The following ENSA variants were observed in gnomAD, a reference collection of about 807,000 sequenced individuals.
The protein encoded by ENSA is endosulfine alpha.
In ENSA, 7 loss-of-function variants were observed where a neutral mutation model predicts 16.8. That is an observed-to-expected ratio of 0.42 (90% CI 0.24 to 0.78). The LOEUF is 0.78. Ranked by LOEUF, ENSA falls within the 30% of genes least tolerant of loss-of-function variation. The pLI, the probability that ENSA is intolerant of heterozygous loss-of-function variation, is 0.29. For missense variants in ENSA, 87 were observed against 142.3 expected, an observed-to-expected ratio of 0.61 and a Z score of 1.98; for synonymous variants, 58 against 53.4, an observed-to-expected ratio of 1.09 and a Z score of -0.37.
At chr1:150,622,973 C>A (rs1304903242) in intron 3 of ENSA, 114 bp from the exon 4 acceptor site, 2 of 1,334,346 alleles carry the variant, frequency 1.5e-6, no homozygotes, top group Non-Finnish European at 1.0e-6. Context: ...ATTTAACAAC[C>A]ATTAGGCTAC....
rs1223302021 is a variant in ENSA at position 150,624,859 on chromosome 1, CAG to C, written c.350+781_350+782del. On this transcript the variant is annotated intron_variant, in intron 3 of 3. Transcript: ENST00000369014. The stretch of plus-strand genomic sequence containing the variant: ...TTTTACAGATGAGGAAATAGAAATC[CAG>C]AGAGGCTAAATGACTTAATCAAGGT... 9 of 973,652 alleles carry C rather than the reference CAG, an allele frequency of 9.2e-6. No homozygotes were observed. In the African/African-American group the frequency reaches 1.6e-4, roughly 17 times the overall value. 60.3% of individuals were successfully genotyped at this position (973,652 alleles called of 1,614,324 possible).
intron 3 of ENSA, chr1:150,623,221 GA>G (rs769266704): frequency 1.9e-6 from 2 of 1,072,210 alleles, no homozygotes; most frequent in Non-Finnish European, 2.3e-6. Context: ...TGCAAAGACT[GA>G]GGTAGCACAG....
At position 150,623,179 on chromosome 1, in the gene ENSA, C is replaced by T. The variant is rs187878726; in HGVS notation, c.351-320G>A. On this transcript the variant is annotated intron_variant, in intron 3 of 3. Coordinates refer to ENST00000369014, the MANE Select transcript of ENSA (RefSeq NM_004436.4). ...GGTGGGTAAGCTGCCTGGCTCAGAGCAGGCTGTTTCAGAGGCATGGCCACA... is the reference window on the plus strand; with the variant it reads ...GGTGGGTAAGCTGCCTGGCTCAGAGTAGGCTGTTTCAGAGGCATGGCCACA... 1.3e-5 allele frequency: 15 copies of T among 1,151,534 alleles called. No individual in the cohort carries two copies. In the Admixed American group the frequency reaches 6.8e-4, roughly 52 times the overall value. 71.3% of individuals were successfully genotyped at this position (1,151,534 alleles called of 1,614,324 possible).
At chr1:150,625,579 C>T in intron 3 of ENSA, 63 bp downstream of exon 3, 2 of 1,482,914 alleles carry the variant, frequency 1.3e-6, no homozygotes, top group Non-Finnish European at 9.0e-7. Context: ...CCATTTCATC[C>T]CTGCCTATAA....
chr1:150,628,167 C>T (rs1231583773), intron 1 of ENSA, among the ~76,000 whole-genome samples: 1 of 152,122 alleles, frequency 6.6e-6, no homozygotes, highest in Non-Finnish European at 1.5e-5. Context: ...ATGTTTCCTC[C>T]TTATTTTTTT....
In ENSA at chr1:150,622,691, C is replaced by A. The variant is rs1290187528; in HGVS notation, c.*153G>T. The A allele has an allele frequency of 1.5e-6, 1 of 664,914 alleles. No homozygotes were observed. The highest frequency in any genetic ancestry group is 3.1e-5 in the East Asian group (1 of 32,392). The allele number at this position is 664,914 out of a possible 1,614,324, so 41.2% of individuals were successfully genotyped here. Reference sequence around the variant, plus strand: ...GCCCAAGGGGCTCCATGTGCTGGGACACCAACAGGAAAGGGCTTCTGCCTC... The same window carrying A: ...GCCCAAGGGGCTCCATGTGCTGGGAAACCAACAGGAAAGGGCTTCTGCCTC... On this transcript the variant is annotated 3_prime_UTR_variant, in exon 4 of 4. Transcript: ENST00000369014.
rs1244468997 is a variant in ENSA, at chr1:150,622,206, C to G, written c.*638G>C. 1 of 152,178 alleles carries G rather than the reference C, an allele frequency of 6.6e-6. No individual in the cohort carries two copies. The highest frequency in any genetic ancestry group is 1.5e-5 in the Non-Finnish European group (1 of 68,034). The allele number at this position is 152,178 out of a possible 1,614,324, so 9.4% of individuals were successfully genotyped here. A position where few individuals can be genotyped will look rare whatever the true frequency, so the allele number is the denominator to read the frequency against. On this transcript the variant is annotated 3_prime_UTR_variant, in exon 4 of 4. Coordinates refer to ENST00000369014, the MANE Select transcript of ENSA (RefSeq NM_004436.4). ...AGTCCTTTGGGCTCTGTGGGGTTCCCCACGCTCACGGCTCCTTTCTCCCAC... is the reference window on the plus strand; with the variant it reads ...AGTCCTTTGGGCTCTGTGGGGTTCCGCACGCTCACGGCTCCTTTCTCCCAC...
chr1:150,622,138 T>C lies in ENSA; in HGVS notation c.*706A>G, dbSNP rs925308471. The C allele has an allele frequency of 3.9e-5, 6 of 152,164 alleles. No homozygotes were observed. Among genetic ancestry groups the C allele is most frequent in the African/African-American group, 1.4e-4 (6 of 41,442 alleles). The allele number at this position is 152,164 out of a possible 1,614,324, so 9.4% of individuals were successfully genotyped here. On this transcript the variant is annotated 3_prime_UTR_variant, in exon 4 of 4. Transcript: ENST00000369014. ...TGCTTCAGAATATTTCTGGGTTGGG[T>C]TTTTTCATGGGTTTTTGTTTTGTTT... is the stretch of plus-strand genomic sequence containing the variant.
At chr1:150,628,229 G>T (rs1649484743) in intron 1 of ENSA, among the ~76,000 whole-genome samples, 1 of 152,000 alleles carries the variant, frequency 6.6e-6, no homozygotes, top group Non-Finnish European at 1.5e-5. Context: ...TTTATTCAAG[G>T]TCTAAGCCAC....
At chr1:150,627,270 A>G (rs1649399645) in intron 2 of ENSA, 197 bp downstream of exon 2, 2 of 1,540,496 alleles carry the variant, frequency 1.3e-6, no homozygotes, top group Non-Finnish European at 1.7e-6. Flanking sequence ...AATTTCCTAC[A>G]TGGGAAATCA....
At chr1:150,623,888 G>A in intron 3 of ENSA, 1 of 985,518 alleles carries the variant, frequency 1.0e-6, no homozygotes, top group African/African-American at 1.7e-5. Flanking sequence ...CAATTTGAAT[G>A]ACAGCCTGAA....
In ENSA at chr1:150,625,623, A is replaced by G; in HGVS notation, c.350+19T>C. On this transcript the variant is annotated intron_variant, in intron 3 of 3. Transcript: ENST00000369014. ...CGTCCAGTGGTTGAGGAAGGGGAGG[A>G]GAGGGGGGCTCAGGTTACCCCGCAA... 1 of 1,576,546 alleles carries G rather than the reference A, an allele frequency of 6.3e-7. No homozygotes were observed. The highest frequency in any genetic ancestry group is 8.6e-7 in the Non-Finnish European group (1 of 1,159,012).
Position 150,627,500 on chromosome 1 carries a change from G to A in ENSA, c.150C>T (p.Gly50=), listed in dbSNP as rs1649427579. Residue 50 remains glycine (G), a synonymous_variant, in exon 2 of 4, where the codon GGC becomes GGT. Coordinates refer to ENST00000369014, the MANE Select transcript of ENSA (RefSeq NM_004436.4). ...GGAGTCTCTTCATGAGGAAGTCGGAGCCTCCAGGCTTTTGTCCTAGGCTTG... is the reference window on the plus strand; with the variant it reads ...GGAGTCTCTTCATGAGGAAGTCGGAACCTCCAGGCTTTTGTCCTAGGCTTG... ...KYPSLGQKPG[G]SDFLMKRLQK... 6.2e-7 allele frequency: 1 copy of A among 1,614,226 alleles called. No individual in the cohort carries two copies. The highest frequency in any genetic ancestry group is 8.5e-7 in the Non-Finnish European group (1 of 1,180,036).
chr1:150,625,718 C>T lies in ENSA; in HGVS notation c.274G>A (p.Val92Met), dbSNP rs1207908455. 1.2e-6 allele frequency: 2 copies of T among 1,613,148 alleles called. No individual in the cohort carries two copies. The highest frequency in any genetic ancestry group is 1.1e-5 in the South Asian group (1 of 90,794). ...GGGGTGGGGATGTGATCACCAGTCA[C>T]CAGGTTCTTGTCTGGTCCTGCACTT... ...LPSAGPDKNLVTGDHIPTPQD... is the reference protein window; with the variant it reads ...LPSAGPDKNLMTGDHIPTPQD... The change falls in exon 3 of 4, where the codon GTG becomes ATG. Residue 92 changes from valine to methionine, a missense_variant. Transcript: ENST00000369014.
At chr1:150,623,779 A>G (rs1213433580) in intron 3 of ENSA, 1 of 985,646 alleles carries the variant, frequency 1.0e-6, no homozygotes, top group Non-Finnish European at 1.2e-6. Context: ...AGAAACACAA[A>G]AATTATATAC....
In ENSA at chr1:150,629,008, C is replaced by T; in HGVS notation, c.57+406G>A. The T allele has an allele frequency of 1.1e-5, 18 of 1,590,676 alleles. No individual in the cohort carries two copies. In the South Asian group the frequency reaches 1.9e-4, roughly 17 times the overall value. On this transcript the variant is annotated intron_variant, in intron 1 of 3. Transcript: ENST00000369014. Reference sequence around the variant, plus strand: ...TTTTTAAACGTCTTTACCTCGACCCCTATCTTTGCGGATTGAGGCTGCGGG... The same window carrying T: ...TTTTTAAACGTCTTTACCTCGACCCTTATCTTTGCGGATTGAGGCTGCGGG...
intron 1 of ENSA, 73 bp from the exon 2 acceptor site, chr1:150,627,665 T>C (rs915676560): frequency 1.6e-5 from 23 of 1,469,120 alleles, no homozygotes; most frequent in Admixed American, 4.4e-5. Context: ...ATAACAACTA[T>C]ACTATCAACT....
rs751469856 is a variant in ENSA, at chr1:150,627,351, C to T, written c.183+116G>A. On this transcript the variant is annotated intron_variant, in intron 2 of 3. Coordinates refer to ENST00000369014, the MANE Select transcript of ENSA (RefSeq NM_004436.4). ...CTCTTTTCAAATTTCAAATTCGCCTCTACTTCTGTTCAACAACAAAACCTC... is the reference window on the plus strand; with the variant it reads ...CTCTTTTCAAATTTCAAATTCGCCTTTACTTCTGTTCAACAACAAAACCTC... The T allele has an allele frequency of 1.8e-5, 29 of 1,609,126 alleles. No individual in the cohort carries two copies. In the South Asian group the frequency reaches 3.2e-4, roughly 18 times the overall value.
chr1:150,624,520 G>A (rs1200553706), intron 3 of ENSA: 1 of 985,808 alleles, frequency 1.0e-6, no homozygotes, highest in Non-Finnish European at 1.2e-6. Flanking sequence ...CCCAGAGGTA[G>A]GCTGGGAAAG....
Sources: allele counts gnomAD v4.1 joint callset (sites outside exome capture counted in the v4.1 genomes callset), GRCh38; gene constraint gnomAD v4.1.1; transcripts MANE v1.5; gene names NCBI Gene and HGNC (gene_info 2026-07-23, HGNC 2026-07-21).